JPH3: variants seen among roughly 807,000 people sequenced by gnomAD.
JPH3 encodes junctophilin 3.
In JPH3, 11 loss-of-function variants were observed where a neutral mutation model predicts 59.6. The observed-to-expected ratio is 0.18, with a 90% CI of 0.12 to 0.31. The LOEUF (loss-of-function observed/expected upper bound fraction) is 0.31. Among genes scored for constraint, JPH3 ranks in the 10% least tolerant of loss-of-function variants. JPH3 has a pLI of 1.00. For missense variants in JPH3, 1,202 were observed against 1,105.7 expected (o/e 1.09, Z -1.24); for synonymous variants, 673 against 483.6 (o/e 1.39, Z -5.14).
chr16:87,695,534 G>T (rs1038313784), intron 4 of JPH3: 1 of 454,672 alleles, frequency 2.2e-6, no homozygotes, highest in South Asian at 1.5e-5. Flanking sequence ...GGGCGTGGTG[G>T]GGGTGGGGAG....
At chr16:87,615,461 T>C (rs2030921432) in intron 1 of JPH3, among the ~76,000 whole-genome samples, 1 of 152,184 alleles carries the variant, frequency 6.6e-6, no homozygotes, top group African/African-American at 2.4e-5. Context: ...AGCTGCTGTG[T>C]TTCTTTCCTG....
At chr16:87,660,143 T>C (rs1335768233) in intron 2 of JPH3, among the ~76,000 whole-genome samples, 3 of 152,094 alleles carry the variant, frequency 2.0e-5, no homozygotes, top group Non-Finnish European at 4.4e-5. Flanking sequence ...AGGACCTGCC[T>C]CCGAGCCTGG....
At chr16:87,655,520 A>G (rs943960357) in intron 2 of JPH3, among the ~76,000 whole-genome samples, 2 of 152,098 alleles carry the variant, frequency 1.3e-5, no homozygotes, top group Admixed American at 6.5e-5. Flanking sequence ...CGCCCAGCTA[A>G]CATTTTTATG....
chr16:87,677,225 C>CACACACACACACAAA (rs1271128667), intron 2 of JPH3, among the ~76,000 whole-genome samples: 2 of 81,642 alleles, frequency 2.4e-5, no homozygotes, highest in African/African-American at 8.6e-5. Flanking sequence ...CACACACACA[C>CACACACACACACAAA]AAAAAAAAAA....
In JPH3 at chr16:87,655,883, C is replaced by T. The variant is rs1005955132; in HGVS notation, c.1160+10848C>T. ...GCTGACTGTGAGCCTGGCCCTGAGT[C>T]CGCTCAGGGGTCTCACTTGCCACTC... is the stretch of plus-strand genomic sequence containing the variant. On this transcript the variant is annotated intron_variant, in intron 2 of 4. Coordinates refer to ENST00000284262, the MANE Select transcript of JPH3 (RefSeq NM_020655.4). Among the ~76,000 whole-genome samples the T allele has an allele frequency of 2.0e-5, 3 of 152,164 alleles. No individual in the cohort carries two copies. The South Asian group carries it at 6.2e-4, about 32-fold the overall frequency.
chr16:87,618,854 C>T (rs1370428141), intron 1 of JPH3, among the ~76,000 whole-genome samples: 1 of 152,058 alleles, frequency 6.6e-6, no homozygotes, highest in Non-Finnish European at 1.5e-5. Context: ...TTTGGGAGGC[C>T]GAGGTGGGCA....
intron 1 of JPH3, among the ~76,000 whole-genome samples, chr16:87,637,877 C>T (rs1390884219): frequency 1.3e-5 from 2 of 152,006 alleles, no homozygotes. Context: ...TGCTGGTGTT[C>T]TGTGTTGTCA....
chr16:87,659,732 C>CA lies in JPH3; in HGVS notation c.1160+14708dup, dbSNP rs112492214. Among the ~76,000 whole-genome samples, 1,135 of 141,946 alleles carry CA rather than the reference C, an allele frequency of 8.0e-3. 3 individuals are homozygous for CA. The highest frequency in any genetic ancestry group is 0.015 in the African/African-American group (572 of 38,768). The allele number at this position is 141,946 out of a possible 152,430, so 93.1% of individuals were successfully genotyped here. A position where few individuals can be genotyped will look rare whatever the true frequency, so the allele number is the denominator to read the frequency against. ...TGGGCAACAAAGCAAGACTCCATTTCAAAAAAAAAAAGGATGATTTTTAAC... is the reference window on the plus strand; with the variant it reads ...TGGGCAACAAAGCAAGACTCCATTTCAAAAAAAAAAAAGGATGATTTTTAAC... On this transcript the variant is annotated intron_variant, in intron 2 of 4. Transcript: ENST00000284262.
intron 1 of JPH3, among the ~76,000 whole-genome samples, chr16:87,631,072 C>T (rs556163792): frequency 1.2e-4 from 19 of 152,284 alleles, no homozygotes; most frequent in African/African-American, 4.6e-4. Flanking sequence ...CTTCCAACTG[C>T]TCAGTGAAAC....
rs767548668 is a variant in JPH3 at position 87,644,670 on chromosome 16, C to T, written c.795C>T (p.Ser265=). The T allele has an allele frequency of 4.3e-6, 7 of 1,611,904 alleles. No individual in the cohort carries two copies. Among genetic ancestry groups the T allele is most frequent in the African/African-American group, 4.0e-5 (3 of 75,044 alleles). ...STASDIHSTI[S]LGEAEAELAV... is the part of the protein sequence containing the mutation. ...CCAGCGACATCCACTCCACCATCAG[C>T]CTGGGCGAGGCTGAGGCCGAGCTGG... The change falls in exon 2 of 5, where the codon AGC becomes AGT. Residue 265 remains serine, a synonymous_variant. Transcript: ENST00000284262.
chr16:87,692,585 C>A (rs2033624224), intron 4 of JPH3, among the ~76,000 whole-genome samples: 2 of 113,324 alleles, frequency 1.8e-5, no homozygotes, highest in South Asian at 6.0e-4. Context: ...GGGATTCTAG[C>A]CCACATAGGG....
At position 87,644,280 on chromosome 16, in the gene JPH3, C is replaced by T. The variant is rs79690276; in HGVS notation, c.405C>T (p.Val135=). Residue 135 remains valine, a synonymous_variant, in exon 2 of 5, where the codon GTC becomes GTT. Coordinates refer to ENST00000284262, the MANE Select transcript of JPH3 (RefSeq NM_020655.4). ...SDGGTYQGQW[V]GGMRQGYGVR... is the part of the protein sequence containing the mutation. ...CAGGGACCTACCAGGGCCAGTGGGT[C>T]GGTGGCATGCGCCAGGGCTACGGCG... is the stretch of plus-strand genomic sequence containing the variant. The T allele has an allele frequency of 2.9e-3, 4,625 of 1,610,232 alleles. 89 individuals are homozygous for T. In the African/African-American group the frequency reaches 0.045, roughly 15 times the overall value.
intron 2 of JPH3, among the ~76,000 whole-genome samples, chr16:87,677,930 G>A (rs1597284706): frequency 1.3e-5 from 2 of 152,216 alleles, no homozygotes; most frequent in African/African-American, 2.4e-5. Context: ...GCCTGGGATT[G>A]AAAAGTCACG....
At position 87,696,816 on chromosome 16, in the gene JPH3, T is replaced by C; in HGVS notation, c.*156T>C. 1 of 648,016 alleles carries C rather than the reference T, an allele frequency of 1.5e-6. No individual in the cohort carries two copies. The highest frequency in any genetic ancestry group is 2.7e-6 in the Non-Finnish European group (1 of 368,966). 40.1% of individuals were successfully genotyped at this position (648,016 alleles called of 1,614,324 possible). ...CCACACGATTGGGTATCACTCACAG[T>C]TTGCCTTTTTTTCTGGGTAATGTTT... On this transcript the variant is annotated 3_prime_UTR_variant, in exon 5 of 5. Coordinates refer to ENST00000284262, the MANE Select transcript of JPH3 (RefSeq NM_020655.4).
At chr16:87,678,059 C>T (rs1416825646) in intron 2 of JPH3, among the ~76,000 whole-genome samples, 4 of 152,048 alleles carry the variant, frequency 2.6e-5, no homozygotes, top group African/African-American at 9.7e-5. Context: ...CGGAATCAGC[C>T]TGGGCAACAT....
At chr16:87,654,147 A>G (rs978611103) in intron 2 of JPH3, 8 of 152,012 alleles carry the variant, frequency 5.3e-5, no homozygotes, top group African/African-American at 1.7e-4. Flanking sequence ...CCACGAATAC[A>G]TTGTGCCTTC....
chr16:87,693,792 G>A (rs4843676), intron 4 of JPH3: 18,698 of 152,568 alleles, frequency 0.12, 1,385 homozygotes, highest in South Asian at 0.23. Context: ...CCCCTGCCAG[G>A]TGTGGTGCAG....
At chr16:87,642,571 G>T (rs559353390) in intron 1 of JPH3, among the ~76,000 whole-genome samples, 4 of 152,252 alleles carry the variant, frequency 2.6e-5, no homozygotes, top group African/African-American at 4.8e-5. Context: ...TCTGCAGCCT[G>T]TGCCACCGTG....
At position 87,662,671 on chromosome 16, in the gene JPH3, G is replaced by A. The variant is rs549068653; in HGVS notation, c.1160+17636G>A. 6.6e-5 allele frequency among the ~76,000 whole-genome samples: 10 copies of A among 152,362 alleles called. No individual in the cohort carries two copies. The East Asian group carries it at 1.9e-3, about 29-fold the overall frequency. ...CAGTCCCCGCTGAGCCATGCGGAGA[G>A]TTTGGGAGAAGTGCATACCTGCCTT... On this transcript the variant is annotated intron_variant, in intron 2 of 4. Coordinates refer to ENST00000284262, the MANE Select transcript of JPH3 (RefSeq NM_020655.4).
Sources: allele counts gnomAD v4.1 joint callset (sites outside exome capture counted in the v4.1 genomes callset), GRCh38; gene constraint gnomAD v4.1.1; transcripts MANE v1.5; gene names NCBI Gene and HGNC (gene_info 2026-07-23, HGNC 2026-07-21).